Variants in NKAIN2 observed in about 807,000 individuals in gnomAD.
NKAIN2 encodes the protein sodium/potassium transporting ATPase interacting 2, also known as sodium/potassium-transporting ATPase subunit beta-1-interacting protein 2.
Under a neutral mutation model 32.6 loss-of-function variants are expected in NKAIN2, and 14 were observed. That is an observed-to-expected ratio of 0.43 (90% CI 0.28 to 0.67). The LOEUF (loss-of-function observed/expected upper bound fraction) is 0.67, where lower values mean the gene tolerates loss of function less well. NKAIN2 is among the 30% of genes least tolerant of loss of function. NKAIN2 has a pLI of 0.17. For synonymous variants in NKAIN2, 80 were observed against 87.2 expected, an observed-to-expected ratio of 0.92 and a Z score of 0.46; for missense variants, 198 against 258.3, an observed-to-expected ratio of 0.77 and a Z score of 1.60.
intron 1 of NKAIN2, among the ~76,000 whole-genome samples, chr6:123,929,340 C>T (rs563316674): frequency 2.1e-3 from 319 of 152,168 alleles, no homozygotes; most frequent in Non-Finnish European, 3.5e-3. Flanking sequence ...CTCAACCTCC[C>T]TGAGTCTCTC....
chr6:124,637,351 T>G (rs1344595130), intron 3 of NKAIN2, among the ~76,000 whole-genome samples: 2 of 152,052 alleles, frequency 1.3e-5, no homozygotes, highest in African/African-American at 4.8e-5. Flanking sequence ...ATGCCCATTT[T>G]TACCTCTCTT....
rs73563155 is a variant in NKAIN2, at chr6:124,096,904, C to T, written c.55-186101C>T. ...TTATCTGTTATGTGTTTTCTTCATT[C>T]GACTCTTCACTCCAACACCTAGGGT... On this transcript the variant is annotated intron_variant, in intron 1 of 6. Coordinates refer to ENST00000368417, the MANE Select transcript of NKAIN2 (RefSeq NM_001040214.3). Among the ~76,000 whole-genome samples the T allele has an allele frequency of 9.3e-3, 1,408 of 150,602 alleles. 18 individuals carry two copies. Among genetic ancestry groups the T allele is most frequent in the African/African-American group, 0.033 (1,338 of 41,034 alleles).
At chr6:124,355,621 G>C (rs1419536014) in intron 3 of NKAIN2, among the ~76,000 whole-genome samples, 1 of 152,034 alleles carries the variant, frequency 6.6e-6, no homozygotes, top group Non-Finnish European at 1.5e-5. Flanking sequence ...AATGATTTCT[G>C]AAGCAAAATG....
At chr6:124,693,236 T>G (rs1270457297) in intron 4 of NKAIN2, among the ~76,000 whole-genome samples, 3 of 152,160 alleles carry the variant, frequency 2.0e-5, no homozygotes, top group African/African-American at 7.2e-5. Flanking sequence ...GTTTTCTAGG[T>G]TTAGACATGT....
chr6:124,721,405 A>G, intron 4 of NKAIN2, among the ~76,000 whole-genome samples: 1 of 44,376 alleles, frequency 2.3e-5, no homozygotes, highest in African/African-American at 1.0e-4. Flanking sequence ...CTCCGTCTCA[A>G]AAAAAAAAAA....
intron 1 of NKAIN2, among the ~76,000 whole-genome samples, chr6:124,260,752 C>A (rs1216759884): frequency 6.7e-6 from 1 of 148,428 alleles, no homozygotes; most frequent in Non-Finnish European, 1.5e-5. Context: ...AAATAGATTG[C>A]AAGGGAACAA....
At chr6:123,950,659 C>T (rs1185516176) in intron 1 of NKAIN2, among the ~76,000 whole-genome samples, 1 of 151,502 alleles carries the variant, frequency 6.6e-6, no homozygotes, top group Non-Finnish European at 1.5e-5. Context: ...TTTTTCATTT[C>T]TGATTTTGTT....
intron 1 of NKAIN2, among the ~76,000 whole-genome samples, chr6:123,888,993 C>T (rs1169254178): frequency 3.9e-5 from 6 of 152,094 alleles, no homozygotes; most frequent in African/African-American, 1.2e-4. Context: ...CATGTACTTT[C>T]AAGTGTAGAC....
At chr6:124,138,639 AATT>A (rs964389060) in intron 1 of NKAIN2, among the ~76,000 whole-genome samples, 25 of 119,926 alleles carry the variant, frequency 2.1e-4, no homozygotes, top group Admixed American at 4.3e-4. Context: ...ATAATAGGAT[AATT>A]ATTATTAATA....
chr6:124,337,153 T>A (rs60904022), intron 2 of NKAIN2, among the ~76,000 whole-genome samples: 2,284 of 152,308 alleles, frequency 0.015, 68 homozygotes, highest in East Asian at 0.11. Context: ...GTACCATCAA[T>A]AAATTTATTT....
intron 1 of NKAIN2, among the ~76,000 whole-genome samples, chr6:124,168,399 G>T (rs1313337381): frequency 6.6e-6 from 1 of 152,024 alleles, no homozygotes; most frequent in African/African-American, 2.4e-5. Context: ...TTGTAGTATG[G>T]ATACTCTTGT....
At chr6:124,129,958 C>T (rs1363235156) in intron 1 of NKAIN2, among the ~76,000 whole-genome samples, 1 of 152,144 alleles carries the variant, frequency 6.6e-6, no homozygotes, top group Non-Finnish European at 1.5e-5. Context: ...ATGTACTTAT[C>T]TCATGTACAA....
chr6:124,211,996 T>A (rs1582856141), intron 1 of NKAIN2, among the ~76,000 whole-genome samples: 1 of 152,102 alleles, frequency 6.6e-6, no homozygotes, highest in African/African-American at 2.4e-5. Flanking sequence ...ATATTTTGTA[T>A]TAGTTTAACC....
chr6:124,590,656 G>C (rs1296211420), intron 3 of NKAIN2, among the ~76,000 whole-genome samples: 1 of 152,218 alleles, frequency 6.6e-6, no homozygotes, highest in African/African-American at 2.4e-5. Flanking sequence ...AAATAAGTCA[G>C]AGAAGAAATC....
At chr6:124,816,395 C>T (rs919265376) in intron 5 of NKAIN2, among the ~76,000 whole-genome samples, 2 of 152,000 alleles carry the variant, frequency 1.3e-5, no homozygotes, top group Non-Finnish European at 2.9e-5. Flanking sequence ...ATGTACAACA[C>T]CAAGAATAAA....
At chr6:124,167,192 C>A (rs1401282025) in intron 1 of NKAIN2, among the ~76,000 whole-genome samples, 57 of 148,756 alleles carry the variant, frequency 3.8e-4, no homozygotes, top group African/African-American at 5.5e-4. Context: ...CTTTTATTTC[C>A]TTGAGCAGTG....
intron 1 of NKAIN2, among the ~76,000 whole-genome samples, chr6:124,162,576 C>T (rs1788335061): frequency 6.6e-6 from 1 of 151,944 alleles, no homozygotes; most frequent in African/African-American, 2.4e-5. Context: ...CTTTATAGTT[C>T]CAGAATGTTT....
chr6:124,227,099 AG>A (rs113266028), intron 1 of NKAIN2, among the ~76,000 whole-genome samples: 4,257 of 148,308 alleles, frequency 0.029, 217 homozygotes, highest in African/African-American at 0.097. Context: ...AAAAAAAAAA[AG>A]AAAAAGTTAC....
intron 1 of NKAIN2, among the ~76,000 whole-genome samples, chr6:124,037,405 C>T (rs1007609126): frequency 6.6e-6 from 1 of 152,070 alleles, no homozygotes; most frequent in Non-Finnish European, 1.5e-5. Context: ...TCTTGAATGT[C>T]ATAAATTAGC....
Sources: gnomAD v4.1 joint callset for allele counts (sites outside exome capture counted in the v4.1 genomes callset) on GRCh38, gnomAD v4.1.1 for gene constraint, MANE v1.5 for transcripts, NCBI Gene and HGNC (gene_info 2026-07-23, HGNC 2026-07-21) for gene names.